Variants in DBT observed in about 807,000 individuals in gnomAD.
DBT encodes the protein lipoamide acyltransferase component of branched-chain alpha-keto acid dehydrogenase complex, mitochondrial.
A neutral mutation model predicts 51.3 loss-of-function variants in DBT; 40 were observed. That is an observed-to-expected ratio of 0.78 (90% CI 0.61 to 1.02). The LOEUF is 1.02. DBT is among the 50% of genes least tolerant of loss of function. The pLI, the probability that DBT is intolerant of heterozygous loss-of-function variation, is 0.00. For missense variants in DBT, 510 were observed against 580.2 expected, an observed-to-expected ratio of 0.88 and a Z score of 1.24; for synonymous variants, 181 against 190.4, an observed-to-expected ratio of 0.95 and a Z score of 0.41.
chr1:100,216,330 T>C (rs1356266475), intron 5 of DBT, 131 bp from the exon 6 acceptor site: 1 of 706,742 alleles, frequency 1.4e-6, no homozygotes, highest in African/African-American at 1.8e-5. Flanking sequence ...AATAACCTTT[T>C]CATTTTCTAC....
At chr1:100,247,235 G>A (rs1664597543) in intron 1 of DBT, among the ~76,000 whole-genome samples, 1 of 152,230 alleles carries the variant, frequency 6.6e-6, no homozygotes, top group Non-Finnish European at 1.5e-5. Flanking sequence ...ATTATCAAAT[G>A]TCTCTTACTT....
chr1:100,196,050 G>T lies in DBT; in HGVS notation c.*205C>A. 1 of 607,828 alleles carries T rather than the reference G, an allele frequency of 1.6e-6. No homozygotes were observed. Among genetic ancestry groups the T allele is most frequent in the Non-Finnish European group, 2.9e-6 (1 of 344,746 alleles). 37.7% of individuals were successfully genotyped at this position (607,828 alleles called of 1,614,324 possible). ...GAAGTCACACTCTGACCTATAAAAT[G>T]TGACAGCCCCAGGAGAACCATTACA... On this transcript the variant is annotated 3_prime_UTR_variant, in exon 11 of 11. Coordinates refer to ENST00000370132, the MANE Select transcript of DBT (RefSeq NM_001918.5).
At chr1:100,201,362 T>G (rs891655529) in intron 10 of DBT, among the ~76,000 whole-genome samples, 3 of 151,648 alleles carry the variant, frequency 2.0e-5, no homozygotes, top group African/African-American at 7.3e-5. Context: ...GAAAAAAGAA[T>G]GAGAAGGAAG....
At chr1:100,196,512 A>G in intron 10 of DBT, 90 bp from the exon 11 acceptor site, 1 of 1,461,310 alleles carries the variant, frequency 6.8e-7, no homozygotes, top group Non-Finnish European at 9.0e-7. Context: ...ACAATGGTGT[A>G]AGATCAGGCA....
At chr1:100,217,227 A>G (rs1662546856) in intron 5 of DBT, among the ~76,000 whole-genome samples, 1 of 152,172 alleles carries the variant, frequency 6.6e-6, no homozygotes, top group South Asian at 2.1e-4. Flanking sequence ...GGAAAGCCAA[A>G]TCATACATTT....
At chr1:100,249,710 C>A in intron 1 of DBT, 60 bp downstream of exon 1, 4 of 1,553,868 alleles carry the variant, frequency 2.6e-6, no homozygotes, top group Non-Finnish European at 3.6e-6. Flanking sequence ...AAACACCACT[C>A]CTGGATGACT....
chr1:100,207,688 A>G (rs556629923), intron 8 of DBT, among the ~76,000 whole-genome samples: 5 of 151,426 alleles, frequency 3.3e-5, no homozygotes, highest in Non-Finnish European at 7.4e-5. Flanking sequence ...AGCTACAAAA[A>G]TTTTTTTTTA....
At chr1:100,227,940 T>C (rs1004308105) in intron 4 of DBT, among the ~76,000 whole-genome samples, 1 of 152,088 alleles carries the variant, frequency 6.6e-6, no homozygotes, top group East Asian at 1.9e-4. Context: ...CCTCTGCCTC[T>C]GGGGTTCAAG....
At chr1:100,244,648 G>A (rs1019805595) in intron 1 of DBT, among the ~76,000 whole-genome samples, 4 of 152,024 alleles carry the variant, frequency 2.6e-5, no homozygotes, top group African/African-American at 7.3e-5. Context: ...TACATATACC[G>A]TGTTTTTCCT....
At chr1:100,210,529 AAAC>A (rs1235981091) in intron 8 of DBT, 162 bp downstream of exon 8, 5 of 987,194 alleles carry the variant, frequency 5.1e-6, no homozygotes, top group Non-Finnish European at 5.8e-6. Context: ...ATTAACACAA[AAAC>A]AACAACAATG....
intron 10 of DBT, among the ~76,000 whole-genome samples, chr1:100,201,033 G>A (rs1174314598): frequency 6.6e-6 from 1 of 152,096 alleles, no homozygotes; most frequent in African/African-American, 2.4e-5. Flanking sequence ...TCGCCAGCAA[G>A]GGAACAAAAC....
rs895519743 is a variant in DBT at position 100,188,237 on chromosome 1, C to G, written c.*8018G>C. The stretch of plus-strand genomic sequence containing the variant: ...AATGTTTCAAACTGTTAGTCCTGTT[C>G]TGATTTATATTCATCCCTGCCATTC... On this transcript the variant is annotated 3_prime_UTR_variant, in exon 11 of 11. Coordinates refer to ENST00000370132, the MANE Select transcript of DBT (RefSeq NM_001918.5). The G allele has an allele frequency of 2.6e-5, 4 of 152,186 alleles. No homozygotes were observed. The highest frequency in any genetic ancestry group is 9.7e-5 in the African/African-American group (4 of 41,446). The allele number at this position is 152,186 out of a possible 1,614,324, so 9.4% of individuals were successfully genotyped here. A position where few individuals can be genotyped will look rare whatever the true frequency, so the allele number is the denominator to read the frequency against.
intron 7 of DBT, among the ~76,000 whole-genome samples, chr1:100,212,656 C>T (rs1016183021): frequency 3.9e-5 from 6 of 152,154 alleles, no homozygotes; most frequent in Non-Finnish European, 8.8e-5. Context: ...ACTCAATGCA[C>T]TGAGATAAGT....
At chr1:100,223,875 A>AT (rs1436635633) in intron 4 of DBT, among the ~76,000 whole-genome samples, 3 of 151,992 alleles carry the variant, frequency 2.0e-5, no homozygotes, top group Admixed American at 6.6e-5. Context: ...TCAACTTGTC[A>AT]TTTTTTTTAA....
intron 10 of DBT, among the ~76,000 whole-genome samples, chr1:100,203,662 A>C (rs187872099): frequency 5.7e-4 from 87 of 152,356 alleles, no homozygotes; most frequent in African/African-American, 2.0e-3. Flanking sequence ...AGAAAATTTC[A>C]GGCCAATATC....
chr1:100,236,158 G>A (rs1663856139), intron 2 of DBT, among the ~76,000 whole-genome samples: 1 of 151,658 alleles, frequency 6.6e-6, no homozygotes, highest in South Asian at 2.1e-4. Flanking sequence ...ACATTCACAG[G>A]TGCATAAATG....
At chr1:100,218,876 A>G in intron 4 of DBT, 129 bp from the exon 5 acceptor site, 1 of 669,738 alleles carries the variant, frequency 1.5e-6, no homozygotes, top group Non-Finnish European at 2.5e-6. Context: ...TAAATGTATA[A>G]AAGTTGAACT....
chr1:100,238,172 G>A (rs74217600), intron 2 of DBT, among the ~76,000 whole-genome samples: 2 of 16,016 alleles, frequency 1.2e-4, no homozygotes, highest in Non-Finnish European at 2.8e-4. Context: ...TTCCTCCCTC[G>A]CTTCCTTCCT....
chr1:100,233,580 T>C (rs759754617), intron 3 of DBT, among the ~76,000 whole-genome samples: 11 of 152,230 alleles, frequency 7.2e-5, no homozygotes, highest in Non-Finnish European at 1.6e-4. Context: ...CGTAAAGAAA[T>C]AGCAGTTGAA....
Sources: gnomAD v4.1 joint callset for allele counts (sites outside exome capture counted in the v4.1 genomes callset) on GRCh38, gnomAD v4.1.1 for gene constraint, MANE v1.5 for transcripts, NCBI Gene and HGNC (gene_info 2026-07-23, HGNC 2026-07-21) for gene names.